Variants in DPYSL2 observed in about 807,000 individuals in gnomAD.
DPYSL2 encodes the protein dihydropyrimidinase-related protein 2.
DPYSL2 carries 13 observed loss-of-function variants against 69.9 expected under a neutral mutation model. That is an observed-to-expected ratio of 0.19 (90% CI 0.12 to 0.30). The LOEUF is 0.30. Among genes scored for constraint, DPYSL2 ranks in the 10% least tolerant of loss-of-function variants. DPYSL2 has a pLI of 1.00. For missense variants in DPYSL2, 587 were observed against 918.9 expected (o/e 0.64, Z 4.67); for synonymous variants, 326 against 359.1 (o/e 0.91, Z 1.04).
At chr8:26,592,478 T>G (rs1257853623) in intron 3 of DPYSL2, among the ~76,000 whole-genome samples, 17 of 54,784 alleles carry the variant, frequency 3.1e-4, no homozygotes, top group South Asian at 3.1e-3. Context: ...TTTTTTTTGT[T>G]TTTTTTTTTT....
intron 1 of DPYSL2, among the ~76,000 whole-genome samples, chr8:26,524,422 A>G (rs1420477673): frequency 6.6e-6 from 1 of 152,226 alleles, no homozygotes; most frequent in Non-Finnish European, 1.5e-5. Flanking sequence ...AAAGAAAAAA[A>G]TCATCCATAA....
chr8:26,519,553 C>A (rs1808351909), intron 1 of DPYSL2, among the ~76,000 whole-genome samples: 1 of 152,026 alleles, frequency 6.6e-6, no homozygotes, highest in Non-Finnish European at 1.5e-5. Flanking sequence ...AAACCTTGCC[C>A]CAACACTGTC....
In DPYSL2 at chr8:26,644,582, G is replaced by A. The variant is rs544205071; in HGVS notation, c.1425+491G>A. 6.6e-6 allele frequency among the ~76,000 whole-genome samples: 1 copy of A among 152,170 alleles called. No homozygotes were observed. The highest frequency in any genetic ancestry group is 1.9e-4 in the East Asian group (1 of 5,166). On this transcript the variant is annotated intron_variant, in intron 10 of 13. Coordinates refer to ENST00000521913, the MANE Select transcript of DPYSL2 (RefSeq NM_001197293.3). The surrounding 1 kb of genome is among the most constrained non-coding windows in gnomAD (Gnocchi z 4.5). The stretch of plus-strand genomic sequence containing the variant: ...GGCCTCCCAAAGTGCTGGGATTACA[G>A]GTGTGAGCCACCACGCCTGGCTTAC...
In DPYSL2 at chr8:26,652,364, A is replaced by C; in HGVS notation, c.1704A>C (p.Glu568Asp). 1 of 1,614,214 alleles carries C rather than the reference A, an allele frequency of 6.2e-7. No homozygotes were observed. The highest frequency in any genetic ancestry group is 8.5e-7 in the Non-Finnish European group (1 of 1,180,038). ...AGGACGGCACCCTGCATGTCACCGAAGGCTCTGGACGCTACATTCCCCGGA... is the reference window on the plus strand; with the variant it reads ...AGGACGGCACCCTGCATGTCACCGACGGCTCTGGACGCTACATTCCCCGGA... Reference protein sequence around the residue: ...VLEDGTLHVTEGSGRYIPRKP... With the variant: ...VLEDGTLHVTDGSGRYIPRKP... Residue 568 changes from glutamate (E) to aspartate (D), a missense_variant, in exon 12 of 14, where the codon GAA becomes GAC. Physicochemically the swap from Glu to Asp is conservative, Grantham distance 45 (BLOSUM62 2). This residue lies in a region of DPYSL2 where 452 missense variants were observed against 754.3 expected (regional missense o/e 0.60). Transcript: ENST00000521913. This position sits in a 1 kb window ranked among gnomAD's most constrained non-coding sequence, Gnocchi z 6.3.
rs189214719 is a variant in DPYSL2, at chr8:26,565,881, G to T, written c.355-16088G>T. Among the ~76,000 whole-genome samples the T allele has an allele frequency of 1.3e-4, 20 of 152,322 alleles. No homozygotes were observed. Among genetic ancestry groups the T allele is most frequent in the Non-Finnish European group, 2.6e-4 (18 of 68,030 alleles). ...GCAATCATCATCCCGTCAGCTTGGA[G>T]AAAAAGCCTGGAGGAGGAAGAGGGA... On this transcript the variant is annotated intron_variant, in intron 1 of 13. Transcript: ENST00000521913. The surrounding 1 kb of genome is among the most constrained non-coding windows in gnomAD (Gnocchi z 4.1).
At chr8:26,636,080 T>C (rs1305628135) in intron 8 of DPYSL2, among the ~76,000 whole-genome samples, 1 of 152,232 alleles carries the variant, frequency 6.6e-6, no homozygotes, top group African/African-American at 2.4e-5. Context: ...GGAGTGCTCC[T>C]GGGGCCTCTG....
intron 1 of DPYSL2, among the ~76,000 whole-genome samples, chr8:26,555,720 A>C (rs1800934259): frequency 6.6e-6 from 1 of 151,366 alleles, no homozygotes; most frequent in African/African-American, 2.4e-5. Flanking sequence ...CCTCATCTCT[A>C]CAAAAAAATA....
At position 26,514,714 on chromosome 8, in the gene DPYSL2, G is replaced by C. The variant is rs1211067561; in HGVS notation, c.354+35G>C. 9 of 1,343,598 alleles carry C rather than the reference G, an allele frequency of 6.7e-6. No individual in the cohort carries two copies. The highest frequency in any genetic ancestry group is 7.7e-6 in the Non-Finnish European group (8 of 1,043,090). The allele number at this position is 1,343,598 out of a possible 1,614,324, so 83.2% of individuals were successfully genotyped here. Reference sequence around the variant, plus strand: ...GGGGTTGGGGGTGGAGACGGAGGACGGGGCGCGGGGATCGCCCCTCCCTCG... The same window carrying C: ...GGGGTTGGGGGTGGAGACGGAGGACCGGGCGCGGGGATCGCCCCTCCCTCG... On this transcript the variant is annotated intron_variant, in intron 1 of 13. Coordinates refer to ENST00000521913, the MANE Select transcript of DPYSL2 (RefSeq NM_001197293.3). The surrounding 1 kb of genome is among the most constrained non-coding windows in gnomAD (Gnocchi z 8.4).
At chr8:26,573,361 T>C (rs1801271121) in intron 1 of DPYSL2, among the ~76,000 whole-genome samples, 2 of 151,270 alleles carry the variant, frequency 1.3e-5, no homozygotes, top group Admixed American at 1.3e-4. Flanking sequence ...CCATCTCTAC[T>C]AATAATACAA....
Position 26,634,751 on chromosome 8 carries a change from C to T in DPYSL2, c.1006-29C>T, listed in dbSNP as rs140399149. 7.0e-4 allele frequency: 1,123 copies of T among 1,613,622 alleles called. 13 individuals are homozygous for T. The African/African-American group carries it at 0.013, about 18-fold the overall frequency. ...GCGGCTCGTGGGGTGGGCTGAGCCA[C>T]ATTCTCATGCTCTGCTGCTGTTTTG... On this transcript the variant is annotated intron_variant, in intron 7 of 13. Transcript: ENST00000521913.
intron 1 of DPYSL2, among the ~76,000 whole-genome samples, chr8:26,539,622 C>T (rs1312022477): frequency 6.6e-6 from 1 of 152,152 alleles, no homozygotes; most frequent in Non-Finnish European, 1.5e-5. Context: ...TCACTGCAAC[C>T]TCTGCCTCCT....
chr8:26,522,918 A>G (rs1808412421), intron 1 of DPYSL2, among the ~76,000 whole-genome samples: 1 of 152,072 alleles, frequency 6.6e-6, no homozygotes, highest in Non-Finnish European at 1.5e-5. Context: ...GTTCTTAAAA[A>G]CTGCTGGATC....
In DPYSL2 at chr8:26,652,932, A is replaced by G. The variant is rs905105285; in HGVS notation, c.1777-300A>G. On this transcript the variant is annotated intron_variant, in intron 12 of 13. Coordinates refer to ENST00000521913, the MANE Select transcript of DPYSL2 (RefSeq NM_001197293.3). The surrounding 1 kb of genome is among the most constrained non-coding windows in gnomAD (Gnocchi z 6.3). ...GAAAGTTTGGGGCCAGATCTTGAACATGATACCAGATCCGCCTCACAGCAT... is the reference window on the plus strand; with the variant it reads ...GAAAGTTTGGGGCCAGATCTTGAACGTGATACCAGATCCGCCTCACAGCAT... Among the ~76,000 whole-genome samples, 26 of 152,244 alleles carry G rather than the reference A, an allele frequency of 1.7e-4. No individual in the cohort carries two copies. The highest frequency in any genetic ancestry group is 7.2e-4 in the Admixed American group (11 of 15,288).
At chr8:26,622,653 T>A (rs1024739235) in intron 3 of DPYSL2, among the ~76,000 whole-genome samples, 1 of 152,142 alleles carries the variant, frequency 6.6e-6, no homozygotes, top group Admixed American at 6.5e-5. Flanking sequence ...CAGGCATGTG[T>A]CACCATGGCC....
chr8:26,589,904 C>T lies in DPYSL2; in HGVS notation c.628+5921C>T, dbSNP rs149976123. On this transcript the variant is annotated intron_variant, in intron 3 of 13. Coordinates refer to ENST00000521913, the MANE Select transcript of DPYSL2 (RefSeq NM_001197293.3). ...TTCCCCCAGTGCCTTGGGCTTGTCCCGGCTCTTCCTACTGAGCCTCCCCAT... is the reference window on the plus strand; with the variant it reads ...TTCCCCCAGTGCCTTGGGCTTGTCCTGGCTCTTCCTACTGAGCCTCCCCAT... Among the ~76,000 whole-genome samples, 153 of 152,314 alleles carry T rather than the reference C, an allele frequency of 1.0e-3. 1 individual carries two copies. The highest frequency in any genetic ancestry group is 3.5e-3 in the African/African-American group (144 of 41,560).
At position 26,640,307 on chromosome 8, in the gene DPYSL2, G is replaced by A. The variant is rs759281152; in HGVS notation, c.1127-3132G>A. Among the ~76,000 whole-genome samples the A allele has an allele frequency of 6.6e-6, 1 of 152,212 alleles. No individual in the cohort carries two copies. The highest frequency in any genetic ancestry group is 1.5e-5 in the Non-Finnish European group (1 of 68,044). The stretch of plus-strand genomic sequence containing the variant: ...TTGGCCTTATAGAGAGCCTGCCAGA[G>A]GCTGGCTTGGTCACATCCTTCAGTT... On this transcript the variant is annotated intron_variant, in intron 8 of 13. Coordinates refer to ENST00000521913, the MANE Select transcript of DPYSL2 (RefSeq NM_001197293.3). This position sits in a 1 kb window ranked among gnomAD's most constrained non-coding sequence, Gnocchi z 4.2.
rs753450692 is a variant in DPYSL2, at chr8:26,610,161, C to T, written c.629-13982C>T. ...TCGTGGGATCTGCAAGAGCCTGTAG[C>T]GTCAGGTTTCTTTCCTTTTGATTGG... On this transcript the variant is annotated intron_variant, in intron 3 of 13. Transcript: ENST00000521913. This position sits in a 1 kb window ranked among gnomAD's most constrained non-coding sequence, Gnocchi z 4.5. Among the ~76,000 whole-genome samples the T allele has an allele frequency of 1.1e-4, 16 of 152,212 alleles. No individual in the cohort carries two copies. The highest frequency in any genetic ancestry group is 2.1e-4 in the South Asian group (1 of 4,826).
At position 26,610,393 on chromosome 8, in the gene DPYSL2, AT is replaced by A. The variant is rs1802198289; in HGVS notation, c.629-13749del. ...GCCCTGGGATGTGAAAAGTCTGTTT[AT>A]GTCTGTTGACAGAGGGTCTCTATGC... On this transcript the variant is annotated intron_variant, in intron 3 of 13. Transcript: ENST00000521913. This position sits in a 1 kb window ranked among gnomAD's most constrained non-coding sequence, Gnocchi z 4.5. Among the ~76,000 whole-genome samples the A allele has an allele frequency of 6.6e-6, 1 of 152,158 alleles. No individual in the cohort carries two copies. Among genetic ancestry groups the A allele is most frequent in the African/African-American group, 2.4e-5 (1 of 41,410 alleles).
In DPYSL2 at chr8:26,597,628, C is replaced by T. The variant is rs1456377780; in HGVS notation, c.628+13645C>T. 1.3e-5 allele frequency among the ~76,000 whole-genome samples: 2 copies of T among 152,086 alleles called. No individual in the cohort carries two copies. Among genetic ancestry groups the T allele is most frequent in the African/African-American group, 4.8e-5 (2 of 41,412 alleles). On this transcript the variant is annotated intron_variant, in intron 3 of 13. Coordinates refer to ENST00000521913, the MANE Select transcript of DPYSL2 (RefSeq NM_001197293.3). The surrounding 1 kb of genome is among the most constrained non-coding windows in gnomAD (Gnocchi z 5.2). ...TAGCTGGGACTACAGGCGCCCGCCA[C>T]CACGCCCAACTAATATTTTGTATTT...
Sources: gnomAD v4.1 joint callset for allele counts (sites outside exome capture counted in the v4.1 genomes callset) on GRCh38, gnomAD v4.1.1 for gene constraint, gnomAD v4.1.1 regional missense constraint, Gnocchi (gnomAD v3.1) non-coding constraint, MANE v1.5 for transcripts, NCBI Gene and HGNC (gene_info 2026-07-23, HGNC 2026-07-21) for gene names.